The following MED20 variants were observed in gnomAD, a reference collection of about 807,000 sequenced individuals.
MED20 encodes the protein mediator complex subunit 20.
In MED20, 19 loss-of-function variants were observed where a neutral mutation model predicts 19.7. That is an observed-to-expected ratio of 0.96 (90% CI 0.67 to 1.42). The LOEUF is 1.42. MED20 is among the 40% of genes most tolerant of loss of function. The probability of loss-of-function intolerance (pLI) is 0.00; values close to 1 mark genes in which losing one functional copy is unlikely to be tolerated. For synonymous variants in MED20, 105 were observed against 104.8 expected, an observed-to-expected ratio of 1.00 and a Z score of -0.01; for missense variants, 225 against 273.0, an observed-to-expected ratio of 0.82 and a Z score of 1.24.
At chr6:41,912,500 G>A (rs1775222381) in intron 2 of MED20, among the ~76,000 whole-genome samples, 1 of 151,602 alleles carries the variant, frequency 6.6e-6, no homozygotes, top group African/African-American at 2.4e-5. Flanking sequence ...GGGATTACAG[G>A]TGCCTGCCAC....
chr6:41,914,727 A>AC (rs1464247241), intron 2 of MED20, among the ~76,000 whole-genome samples: 4 of 152,004 alleles, frequency 2.6e-5, no homozygotes, highest in Non-Finnish European at 5.9e-5. Flanking sequence ...AAAAGAAAAA[A>AC]AAAAAAAGTC....
At chr6:41,908,867 T>C (rs902716322) in intron 3 of MED20, 2 of 226,338 alleles carry the variant, frequency 8.8e-6, no homozygotes, top group African/African-American at 4.5e-5. Context: ...AGGGATCAGG[T>C]AGGCATAAAT....
intron 2 of MED20, among the ~76,000 whole-genome samples, chr6:41,914,387 G>A (rs966391952): frequency 1.3e-5 from 2 of 152,164 alleles, no homozygotes; most frequent in Non-Finnish European, 2.9e-5. Context: ...GGAAAATACA[G>A]CTTACAGGGA....
At chr6:41,920,371 T>C (rs1775428823) in intron 1 of MED20, among the ~76,000 whole-genome samples, 1 of 152,096 alleles carries the variant, frequency 6.6e-6, no homozygotes, top group Non-Finnish European at 1.5e-5. Context: ...GGCGAAAATC[T>C]TAAAAAATAC....
At position 41,909,517 on chromosome 6, in the gene MED20, T is replaced by C. The variant is rs1320361718; in HGVS notation, c.175A>G (p.Thr59Ala). Residue 59 changes from threonine to alanine, a missense_variant, in exon 3 of 4, where the codon ACC becomes GCC. By Grantham distance (58) the Thr-to-Ala change is moderately conservative (BLOSUM62 0). Transcript: ENST00000265350. Reference sequence around the variant, plus strand: ...TGCATCACATACATCAGCTTCCCGGTCTGACCTGCAAGGGACAGAGATCCT... The same window carrying C: ...TGCATCACATACATCAGCTTCCCGGCCTGACCTGCAAGGGACAGAGATCCT... ...AASTLGSQGQ[T>A]GKLMYVMHNS... is the part of the protein sequence containing the mutation. 1 of 1,614,092 alleles carries C rather than the reference T, an allele frequency of 6.2e-7. No individual in the cohort carries two copies. Among genetic ancestry groups the C allele is most frequent in the East Asian group, 2.2e-5 (1 of 44,886 alleles).
chr6:41,908,742 G>T (rs895229161), intron 3 of MED20, among the ~76,000 whole-genome samples: 1 of 152,112 alleles, frequency 6.6e-6, no homozygotes, highest in African/African-American at 2.4e-5. Context: ...GAAGCTTTCT[G>T]CTTGCTTTGA....
intron 1 of MED20, chr6:41,920,788 CA>C (rs927334036): frequency 1.6e-3 from 712 of 452,028 alleles, no homozygotes; most frequent in South Asian, 3.1e-3. Context: ...CAAAACAAAA[CA>C]AAAAAAAAAC....
At chr6:41,918,763 A>C (rs1241207772) in intron 1 of MED20, among the ~76,000 whole-genome samples, 2 of 148,754 alleles carry the variant, frequency 1.3e-5, no homozygotes, top group African/African-American at 2.5e-5. Context: ...CTGGCTAACA[A>C]GGTGAAACCC....
rs1020128942 is a variant in MED20 at position 41,906,695 on chromosome 6, T to C, written c.*377A>G. 13 of 205,712 alleles carry C rather than the reference T, an allele frequency of 6.3e-5. No individual in the cohort carries two copies. The highest frequency in any genetic ancestry group is 1.8e-4 in the African/African-American group (8 of 44,136). 12.7% of individuals were successfully genotyped at this position (205,712 alleles called of 1,614,324 possible). A position where few individuals can be genotyped will look rare whatever the true frequency, so the allele number is the denominator to read the frequency against. The stretch of plus-strand genomic sequence containing the variant: ...AACATAAAATGCAGCATGTTCACCA[T>C]TGGCCTGGGACAAATCCTTAATAGT... On this transcript the variant is annotated 3_prime_UTR_variant, in exon 4 of 4. Coordinates refer to ENST00000265350, the MANE Select transcript of MED20 (RefSeq NM_004275.5).
At chr6:41,910,176 C>G (rs1353479822) in intron 2 of MED20, among the ~76,000 whole-genome samples, 3 of 152,168 alleles carry the variant, frequency 2.0e-5, no homozygotes, top group South Asian at 2.1e-4. Context: ...GGGAAGCAAG[C>G]AGCACACTAC....
chr6:41,916,894 G>A lies in MED20; in HGVS notation c.60C>T (p.Thr20=), dbSNP rs376069545. ...PVAEGKSVQQ[T]VELLTRKLEM... ...CCAATTTCCGGGTAAGGAGCTCTACGGTTTGCTGAACACTCTTGCCCTCGG... is the reference window on the plus strand; with the variant it reads ...CCAATTTCCGGGTAAGGAGCTCTACAGTTTGCTGAACACTCTTGCCCTCGG... The change falls in exon 2 of 4, where the codon ACC becomes ACT. Residue 20 remains threonine (T), a synonymous_variant. Transcript: ENST00000265350. 3.7e-6 allele frequency: 6 copies of A among 1,613,948 alleles called. No individual in the cohort carries two copies. The highest frequency in any genetic ancestry group is 1.1e-5 in the South Asian group (1 of 91,076).
chr6:41,909,472 T>C lies in MED20; in HGVS notation c.220A>G (p.Ser74Gly), dbSNP rs1207331410. Reference sequence around the variant, plus strand: ...CCATTCTCAAAGAGGGCGAAACAGCTCAATGGGTACTCTGAGTTGTGCATC... The same window carrying C: ...CCATTCTCAAAGAGGGCGAAACAGCCCAATGGGTACTCTGAGTTGTGCATC... Reference protein sequence around the residue: ...YVMHNSEYPLSCFALFENGPC... With the variant: ...YVMHNSEYPLGCFALFENGPC... The change falls in exon 3 of 4, where the codon AGC (serine) becomes GGC (glycine). Residue 74 changes from serine to glycine, a missense_variant. By Grantham distance (56) the Ser-to-Gly change is moderately conservative (BLOSUM62 0). Transcript: ENST00000265350. 4.3e-6 allele frequency: 7 copies of C among 1,614,108 alleles called. 1 individual carries two copies. In the Admixed American group the frequency reaches 6.7e-5, roughly 15 times the overall value.
At position 41,906,891 on chromosome 6, in the gene MED20, G is replaced by A. The variant is rs1292725848; in HGVS notation, c.*181C>T. The A allele has an allele frequency of 5.0e-6, 3 of 600,506 alleles. No individual in the cohort carries two copies. Among genetic ancestry groups the A allele is most frequent in the African/African-American group, 1.9e-5 (1 of 53,618 alleles). 37.2% of individuals were successfully genotyped at this position (600,506 alleles called of 1,614,324 possible). Reference sequence around the variant, plus strand: ...AAACAGCTGATGGGGGGCTATGTGTGAGAGTCAGGGGGTTGGGGAGGGGAC... The same window carrying A: ...AAACAGCTGATGGGGGGCTATGTGTAAGAGTCAGGGGGTTGGGGAGGGGAC... On this transcript the variant is annotated 3_prime_UTR_variant, in exon 4 of 4. Transcript: ENST00000265350.
chr6:41,916,968 T>A (rs1470583119), intron 1 of MED20, 29 bp from the exon 2 acceptor site: 1 of 1,612,768 alleles, frequency 6.2e-7, no homozygotes, highest in East Asian at 2.2e-5. Flanking sequence ...AATCGTCAGT[T>A]ATCCAGAGAC....
At chr6:41,916,534 C>T (rs909022565) in intron 2 of MED20, among the ~76,000 whole-genome samples, 1 of 151,876 alleles carries the variant, frequency 6.6e-6, no homozygotes, top group Non-Finnish European at 1.5e-5. Flanking sequence ...GAGCTGAGAT[C>T]GCACCATTGC....
At chr6:41,909,140 T>G in intron 3 of MED20, 129 bp downstream of exon 3, 1 of 1,310,210 alleles carries the variant, frequency 7.6e-7, no homozygotes, top group Non-Finnish European at 1.0e-6. Context: ...TGCCATTGCA[T>G]TCCAGCCTGG....
At position 41,907,293 on chromosome 6, in the gene MED20, A is replaced by C. The variant is rs749049844; in HGVS notation, c.424-6T>G. ...ACACAGGGGCCATACTCCACCTGGG[A>C]ACCAAAAGCACAGAGAATGAGGGTG... On this transcript the variant is annotated splice_region_variant and splice_polypyrimidine_tract_variant and intron_variant, in intron 3 of 3. Coordinates refer to ENST00000265350, the MANE Select transcript of MED20 (RefSeq NM_004275.5). 13 of 1,607,354 alleles carry C rather than the reference A, an allele frequency of 8.1e-6. No homozygotes were observed. In the South Asian group the frequency reaches 1.4e-4, roughly 18 times the overall value.
intron 1 of MED20, among the ~76,000 whole-genome samples, chr6:41,920,277 C>T (rs1775426064): frequency 1.3e-5 from 2 of 151,982 alleles, no homozygotes; most frequent in South Asian, 4.1e-4. Context: ...ACCCTTTTTT[C>T]CTCTAGACCC....
chr6:41,915,592 C>T (rs1166718803), intron 2 of MED20, among the ~76,000 whole-genome samples: 1 of 152,176 alleles, frequency 6.6e-6, no homozygotes, highest in Non-Finnish European at 1.5e-5. Context: ...TCAAGACCAT[C>T]CTGGCTAACA....
Sources: gnomAD v4.1 joint callset for allele counts (sites outside exome capture counted in the v4.1 genomes callset) on GRCh38, gnomAD v4.1.1 for gene constraint, MANE v1.5 for transcripts, NCBI Gene and HGNC (gene_info 2026-07-23, HGNC 2026-07-21) for gene names.